Variants in NOS1AP observed in about 807,000 individuals in gnomAD.
NOS1AP encodes nitric oxide synthase 1 adaptor protein.
In NOS1AP, 21 loss-of-function variants were observed where a neutral mutation model predicts 56.2. The ratio of observed to expected loss-of-function variants is 0.37; its 90% CI spans 0.26 to 0.54. The LOEUF (loss-of-function observed/expected upper bound fraction) is 0.54, where lower values mean the gene tolerates loss of function less well. Among genes scored for constraint, NOS1AP ranks in the 20% least tolerant of loss-of-function variants. NOS1AP has a pLI of 0.84. For missense variants in NOS1AP, 522 were observed against 657.8 expected (o/e 0.79, Z 2.26); for synonymous variants, 270 against 274.6 (o/e 0.98, Z 0.17).
At chr1:162,129,423 C>T (rs960149686) in intron 1 of NOS1AP, among the ~76,000 whole-genome samples, 1 of 152,186 alleles carries the variant, frequency 6.6e-6, no homozygotes, top group African/African-American at 2.4e-5. Flanking sequence ...AGTCCTGTCC[C>T]TGCCCTGCGT....
chr1:162,235,870 C>T (rs774227458), intron 2 of NOS1AP, among the ~76,000 whole-genome samples: 19 of 152,290 alleles, frequency 1.2e-4, no homozygotes, highest in South Asian at 6.2e-4. Flanking sequence ...TGATACTTGT[C>T]GCATCAGTTG....
chr1:162,080,430 A>G (rs1054065288), intron 1 of NOS1AP, among the ~76,000 whole-genome samples: 5 of 152,126 alleles, frequency 3.3e-5, no homozygotes, highest in African/African-American at 4.8e-5. Flanking sequence ...TCCAGGGGGA[A>G]CTTGTTTAAA....
At chr1:162,154,176 C>T (rs1350244101) in intron 1 of NOS1AP, among the ~76,000 whole-genome samples, 3 of 152,120 alleles carry the variant, frequency 2.0e-5, no homozygotes, top group African/African-American at 7.2e-5. Flanking sequence ...AGACACAGTT[C>T]TCTACTGGAT....
chr1:162,348,830 C>T (rs778146921), intron 6 of NOS1AP, among the ~76,000 whole-genome samples: 6 of 152,148 alleles, frequency 3.9e-5, no homozygotes, highest in Non-Finnish European at 7.4e-5. Context: ...ACAGAGATGG[C>T]TCATGGGCCT....
chr1:162,347,121 G>T (rs186737700), intron 6 of NOS1AP, among the ~76,000 whole-genome samples: 66 of 152,302 alleles, frequency 4.3e-4, no homozygotes, highest in Admixed American at 4.3e-3. Context: ...CTGGTTGCTT[G>T]GCTCAAAGAA....
intron 2 of NOS1AP, among the ~76,000 whole-genome samples, chr1:162,231,639 A>G (rs1653129271): frequency 6.6e-6 from 1 of 152,186 alleles, no homozygotes; most frequent in South Asian, 2.1e-4. Flanking sequence ...CTGTACTGTC[A>G]TACTGGCCAC....
intron 2 of NOS1AP, among the ~76,000 whole-genome samples, chr1:162,265,600 C>T (rs10919021): frequency 0.98 from 148,489 of 152,180 alleles, 72,535 homozygotes; most frequent in Middle Eastern, 1. Context: ...TATGAGAATA[C>T]GCAGTTTCAA....
intron 1 of NOS1AP, among the ~76,000 whole-genome samples, chr1:162,122,160 A>T (rs1172964266): frequency 6.6e-6 from 1 of 152,250 alleles, no homozygotes; most frequent in Non-Finnish European, 1.5e-5. Flanking sequence ...GCAAATGTAA[A>T]TGATATAAAG....
intron 3 of NOS1AP, among the ~76,000 whole-genome samples, chr1:162,287,800 G>A (rs1022930118): frequency 6.6e-6 from 1 of 152,150 alleles, no homozygotes; most frequent in Non-Finnish European, 1.5e-5. Flanking sequence ...ATTGGGCAGC[G>A]AGAGGAGGCT....
At chr1:162,352,031 A>G (rs1571238702) in intron 6 of NOS1AP, among the ~76,000 whole-genome samples, 1 of 150,604 alleles carries the variant, frequency 6.6e-6, no homozygotes, top group Admixed American at 6.6e-5. Flanking sequence ...GCTGCTTTTC[A>G]GCATGCTTTG....
chr1:162,298,325 C>G (rs766810374), intron 3 of NOS1AP, among the ~76,000 whole-genome samples: 2 of 152,240 alleles, frequency 1.3e-5, no homozygotes, highest in Non-Finnish European at 2.9e-5. Context: ...AGAAGCTACA[C>G]TTCCACCACT....
At chr1:162,299,967 A>G (rs2101752852) in intron 3 of NOS1AP, among the ~76,000 whole-genome samples, 1 of 152,312 alleles carries the variant, frequency 6.6e-6, no homozygotes, top group Non-Finnish European at 1.5e-5. Context: ...AGCTAAAAGC[A>G]TTCAATTAAT....
intron 2 of NOS1AP, among the ~76,000 whole-genome samples, chr1:162,269,721 G>T (rs1183674982): frequency 6.6e-6 from 1 of 152,092 alleles, no homozygotes; most frequent in African/African-American, 2.4e-5. Context: ...AAACAAGGTG[G>T]CCATTAGAGA....
At chr1:162,189,902 G>A (rs887020709) in intron 2 of NOS1AP, among the ~76,000 whole-genome samples, 1 of 152,118 alleles carries the variant, frequency 6.6e-6, no homozygotes, top group African/African-American at 2.4e-5. Flanking sequence ...GGATCAGCAG[G>A]TACAAGATTG....
At chr1:162,174,211 A>C (rs1650947407) in intron 2 of NOS1AP, among the ~76,000 whole-genome samples, 1 of 152,106 alleles carries the variant, frequency 6.6e-6, no homozygotes, top group East Asian at 1.9e-4. Flanking sequence ...CATATACACC[A>C]TGGAATACTA....
chr1:162,337,694 G>A (rs1656984133), intron 5 of NOS1AP, among the ~76,000 whole-genome samples: 1 of 152,224 alleles, frequency 6.6e-6, no homozygotes, highest in South Asian at 2.1e-4. Flanking sequence ...GACTAGCAGA[G>A]TAGAAGGAAA....
chr1:162,221,834 A>G (rs1019378603), intron 2 of NOS1AP, among the ~76,000 whole-genome samples: 2 of 152,190 alleles, frequency 1.3e-5, no homozygotes, highest in African/African-American at 2.4e-5. Context: ...ATACATTTCT[A>G]TAGCTTGTTT....
At chr1:162,290,757 A>G (rs1290706890) in intron 3 of NOS1AP, among the ~76,000 whole-genome samples, 1 of 152,098 alleles carries the variant, frequency 6.6e-6, no homozygotes, top group Non-Finnish European at 1.5e-5. Flanking sequence ...GTTGATTTTC[A>G]CTAGGTTAGT....
At chr1:162,105,925 A>T (rs953608852) in intron 1 of NOS1AP, among the ~76,000 whole-genome samples, 1 of 152,222 alleles carries the variant, frequency 6.6e-6, no homozygotes, top group Non-Finnish European at 1.5e-5. Context: ...CCGAAGAATG[A>T]TGCCAGTTGG....
Sources: gnomAD v4.1 joint callset for allele counts (sites outside exome capture counted in the v4.1 genomes callset) on GRCh38, gnomAD v4.1.1 for gene constraint, MANE v1.5 for transcripts, NCBI Gene and HGNC (gene_info 2026-07-23, HGNC 2026-07-21) for gene names.